Variants in CACNA1E observed in about 807,000 individuals in gnomAD.
The protein encoded by CACNA1E is voltage-dependent R-type calcium channel subunit alpha-1E.
Under a neutral mutation model 259.2 loss-of-function variants are expected in CACNA1E, and 40 were observed. The observed-to-expected ratio is 0.15, with a 90% CI of 0.12 to 0.20. CACNA1E has a LOEUF of 0.20. CACNA1E is among the 10% of genes least tolerant of loss of function. The probability of loss-of-function intolerance (pLI) is 1.00; values close to 1 mark genes in which losing one functional copy is unlikely to be tolerated. For synonymous variants in CACNA1E, 1,104 were observed against 1,138.5 expected (o/e 0.97, Z 0.61); for missense variants, 1,874 against 3,040.1 (o/e 0.62, Z 9.02).
intron 2 of CACNA1E, among the ~76,000 whole-genome samples, chr1:181,441,991 A>G (rs2102299115): frequency 6.6e-6 from 1 of 152,196 alleles, no homozygotes; most frequent in Middle Eastern, 3.4e-3. Flanking sequence ...TGCCAGGTCT[A>G]CTCATTTGCA....
chr1:181,612,575 G>T (rs1654846515), intron 6 of CACNA1E, among the ~76,000 whole-genome samples: 1 of 152,234 alleles, frequency 6.6e-6, no homozygotes, highest in Non-Finnish European at 1.5e-5. Context: ...CTTCCTGGGA[G>T]AATGCTGTCT....
At chr1:181,348,286 C>T (rs988726539) in intron 1 of CACNA1E, among the ~76,000 whole-genome samples, 1 of 151,740 alleles carries the variant, frequency 6.6e-6, no homozygotes, top group African/African-American at 2.4e-5. Context: ...TCAGCATGCC[C>T]AAGGTCAGCA....
chr1:181,428,459 T>C (rs1659467195), intron 2 of CACNA1E, among the ~76,000 whole-genome samples: 2 of 151,692 alleles, frequency 1.3e-5, no homozygotes, highest in African/African-American at 4.8e-5. Flanking sequence ...CCTTTCTGGG[T>C]GGGGTGGAGG....
chr1:181,337,176 G>A (rs60448861), intron 1 of CACNA1E, among the ~76,000 whole-genome samples: 1 of 145,160 alleles, frequency 6.9e-6, no homozygotes, highest in Non-Finnish European at 1.5e-5. Flanking sequence ...TTTTTTTTGA[G>A]ATGGAGTCTC....
chr1:181,523,896 C>G (rs1273116736), intron 3 of CACNA1E, among the ~76,000 whole-genome samples: 1 of 152,218 alleles, frequency 6.6e-6, no homozygotes, highest in Non-Finnish European at 1.5e-5. Context: ...AAGTTAGATA[C>G]AATGCTTCAC....
intron 3 of CACNA1E, among the ~76,000 whole-genome samples, chr1:181,545,657 C>G (rs1647369897): frequency 6.6e-6 from 1 of 152,206 alleles, no homozygotes; most frequent in African/African-American, 2.4e-5. Flanking sequence ...AGAGAGGAGG[C>G]ACGAGGAAAC....
intron 6 of CACNA1E, among the ~76,000 whole-genome samples, chr1:181,622,293 ACT>A (rs1483086347): frequency 1.3e-5 from 2 of 152,168 alleles, no homozygotes; most frequent in African/African-American, 4.8e-5. Flanking sequence ...CTGTTCTTTC[ACT>A]GAGTCAGGGC....
chr1:181,554,381 C>CAGGG (rs1648507676), intron 3 of CACNA1E, among the ~76,000 whole-genome samples: 1 of 152,140 alleles, frequency 6.6e-6, no homozygotes, highest in African/African-American at 2.4e-5. Flanking sequence ...CAGACTCTGA[C>CAGGG]AGGGGTTCAA....
At chr1:181,435,299 T>C (rs1474264855) in intron 2 of CACNA1E, among the ~76,000 whole-genome samples, 1 of 152,218 alleles carries the variant, frequency 6.6e-6, no homozygotes, top group Non-Finnish European at 1.5e-5. Context: ...CAGTTTTGAC[T>C]GTAGTTTTGA....
chr1:181,526,075 GA>G (rs1667337946), intron 3 of CACNA1E, among the ~76,000 whole-genome samples: 1 of 152,182 alleles, frequency 6.6e-6, no homozygotes, highest in Admixed American at 6.6e-5. Flanking sequence ...AGGAGGCAGG[GA>G]GGGGAAGAAT....
At chr1:181,591,009 A>G (rs542577574) in intron 6 of CACNA1E, among the ~76,000 whole-genome samples, 4 of 152,378 alleles carry the variant, frequency 2.6e-5, no homozygotes, top group African/African-American at 9.6e-5. Context: ...TGTTGGGGGA[A>G]AAGCTACTGC....
chr1:181,451,845 C>T (rs1041223382), intron 2 of CACNA1E, among the ~76,000 whole-genome samples: 6 of 152,056 alleles, frequency 3.9e-5, no homozygotes, highest in East Asian at 3.9e-4. Context: ...CTTTACCCTA[C>T]GAGAAGTGGG....
intron 14 of CACNA1E, among the ~76,000 whole-genome samples, 183 bp from the exon 15 acceptor site, chr1:181,720,600 A>G (rs1395093453): frequency 2.0e-5 from 3 of 152,150 alleles, no homozygotes; most frequent in Non-Finnish European, 4.4e-5. Context: ...TTCAAAGTGC[A>G]TAGTTTATCA....
chr1:181,372,608 G>T (rs982015797), intron 1 of CACNA1E, among the ~76,000 whole-genome samples: 3 of 151,982 alleles, frequency 2.0e-5, no homozygotes, highest in African/African-American at 4.8e-5. Context: ...TTGCCCGATT[G>T]CTATGGCTAG....
chr1:181,662,588 G>A (rs1363994679), intron 7 of CACNA1E, among the ~76,000 whole-genome samples: 3 of 152,102 alleles, frequency 2.0e-5, no homozygotes, highest in Admixed American at 6.5e-5. Flanking sequence ...TAAGATTACC[G>A]GGGAAATGAA....
At chr1:181,712,665 A>G (rs1454299951) in intron 8 of CACNA1E, among the ~76,000 whole-genome samples, 1 of 152,118 alleles carries the variant, frequency 6.6e-6, no homozygotes, top group Non-Finnish European at 1.5e-5. Flanking sequence ...GTAGGGATGA[A>G]GTGGACACAA....
At chr1:181,712,756 A>T (rs1653502589) in intron 8 of CACNA1E, among the ~76,000 whole-genome samples, 3 of 152,004 alleles carry the variant, frequency 2.0e-5, no homozygotes, top group Admixed American at 2.0e-4. Flanking sequence ...CCAGGAAGGC[A>T]GCTTGATGGT....
chr1:181,522,818 C>T (rs1026959754), intron 3 of CACNA1E, among the ~76,000 whole-genome samples: 17 of 152,138 alleles, frequency 1.1e-4, no homozygotes, highest in Admixed American at 5.2e-4. Context: ...GTGATAGAGA[C>T]GGGAAGGGAG....
chr1:181,643,562 G>A (rs552121758), intron 6 of CACNA1E, among the ~76,000 whole-genome samples: 1 of 152,206 alleles, frequency 6.6e-6, no homozygotes, highest in South Asian at 2.1e-4. Context: ...CCACATCTGG[G>A]GTGGGCCATG....
Sources: gnomAD v4.1 joint callset for allele counts (sites outside exome capture counted in the v4.1 genomes callset) on GRCh38, gnomAD v4.1.1 for gene constraint, MANE v1.5 for transcripts, NCBI Gene and HGNC (gene_info 2026-07-23, HGNC 2026-07-21) for gene names.